ANKS1B: variants seen among roughly 807,000 people sequenced by gnomAD.
ANKS1B encodes ankyrin repeat and sterile alpha motif domain-containing protein 1B.
ANKS1B carries 36 observed loss-of-function variants against 148.3 expected under a neutral mutation model. The ratio of observed to expected loss-of-function variants is 0.24; its 90% CI spans 0.19 to 0.32. The LOEUF (loss-of-function observed/expected upper bound fraction) is 0.32, where lower values mean the gene tolerates loss of function less well. ANKS1B is among the 10% of genes least tolerant of loss of function. The pLI, the probability that ANKS1B is intolerant of heterozygous loss-of-function variation, is 1.00. For missense variants in ANKS1B, 1,157 were observed against 1,542.6 expected, an observed-to-expected ratio of 0.75 and a Z score of 4.19; for synonymous variants, 542 against 560.8, an observed-to-expected ratio of 0.97 and a Z score of 0.47.
At chr12:99,244,464 ATTGTATTT>A in intron 13 of ANKS1B, 50 bp from the exon 14 acceptor site, 1 of 1,239,722 alleles carries the variant, frequency 8.1e-7, no homozygotes, top group Non-Finnish European at 1.1e-6. Context: ...CACTTTTAAC[ATTGTATTT>A]TAAAATAAGT....
intron 8 of ANKS1B, among the ~76,000 whole-genome samples, chr12:99,692,935 G>A (rs2053339217): frequency 6.6e-6 from 1 of 152,170 alleles, no homozygotes; most frequent in Non-Finnish European, 1.5e-5. Context: ...AGAACTAGAA[G>A]TAACAGAGTC....
intron 17 of ANKS1B, among the ~76,000 whole-genome samples, chr12:98,914,911 C>T (rs1036159303): frequency 1.2e-4 from 18 of 152,076 alleles, no homozygotes; most frequent in Non-Finnish European, 2.2e-4. Context: ...ACTTTATTAC[C>T]CTCTAATATC....
Position 99,805,263 on chromosome 12 carries a change from C to CAAAAAAAAAAAAAA in ANKS1B, c.669+1127_669+1140dup. 1.7e-3 allele frequency among the ~76,000 whole-genome samples: 48 copies of CAAAAAAAAAAAAAA among 28,914 alleles called. 12 individuals carry two copies. The highest frequency in any genetic ancestry group is 2.5e-3 in the East Asian group (2 of 802). The allele number at this position is 28,914 out of a possible 152,430, so 19.0% of individuals were successfully genotyped here. A position where few individuals can be genotyped will look rare whatever the true frequency, so the allele number is the denominator to read the frequency against. Reference sequence around the variant, plus strand: ...AAATAACCATGAAAGGAGGAAAAGGCAAAAAAAAAAAAAAAAAAAAAAAAA... The same window carrying CAAAAAAAAAAAAAA: ...AAATAACCATGAAAGGAGGAAAAGGCAAAAAAAAAAAAAAAAAAAAAAAAAAAAAAAAAAAAAAA... On this transcript the variant is annotated intron_variant, in intron 4 of 26. Transcript: ENST00000683438.
At chr12:99,021,679 T>C (rs1195827528) in intron 17 of ANKS1B, among the ~76,000 whole-genome samples, 1 of 152,122 alleles carries the variant, frequency 6.6e-6, no homozygotes, top group Non-Finnish European at 1.5e-5. Context: ...AACCAACCAG[T>C]GTGGACTAGT....
At chr12:99,981,849 T>A (rs752041348) in intron 1 of ANKS1B, among the ~76,000 whole-genome samples, 4 of 152,088 alleles carry the variant, frequency 2.6e-5, no homozygotes, top group Non-Finnish European at 5.9e-5. Context: ...CCAAACATAT[T>A]CTACAGTTCC....
chr12:99,805,455 C>A (rs2067517849), intron 4 of ANKS1B, among the ~76,000 whole-genome samples: 1 of 151,632 alleles, frequency 6.6e-6, no homozygotes, highest in South Asian at 2.1e-4. Flanking sequence ...AAGACCTCAT[C>A]TCTACAAAAA....
At chr12:99,631,519 C>T (rs2098161115) in intron 9 of ANKS1B, among the ~76,000 whole-genome samples, 1 of 152,106 alleles carries the variant, frequency 6.6e-6, no homozygotes, top group African/African-American at 2.4e-5. Context: ...GACCAGAGTG[C>T]TGATAGAAAT....
At chr12:99,241,408 A>G (rs1473567999) in intron 14 of ANKS1B, among the ~76,000 whole-genome samples, 2 of 152,214 alleles carry the variant, frequency 1.3e-5, no homozygotes, top group African/African-American at 4.8e-5. Flanking sequence ...AATAATAAAT[A>G]GCCTACCAAC....
intron 9 of ANKS1B, among the ~76,000 whole-genome samples, chr12:99,534,928 C>A (rs2097049592): frequency 6.6e-6 from 1 of 152,056 alleles, no homozygotes; most frequent in South Asian, 2.1e-4. Context: ...CCAGGATGGT[C>A]TCGATCTCCT....
At chr12:99,741,007 G>A (rs1206839847) in intron 8 of ANKS1B, among the ~76,000 whole-genome samples, 2 of 152,028 alleles carry the variant, frequency 1.3e-5, no homozygotes, top group South Asian at 2.1e-4. Context: ...TCAGGAGATC[G>A]AGACCAATCT....
At chr12:99,939,026 T>C (rs1281877012) in intron 1 of ANKS1B, among the ~76,000 whole-genome samples, 8 of 152,178 alleles carry the variant, frequency 5.3e-5, no homozygotes, top group Non-Finnish European at 7.3e-5. Flanking sequence ...AAACAATAGC[T>C]TATTTGGGGG....
At chr12:99,073,597 T>C (rs1027862621) in intron 16 of ANKS1B, among the ~76,000 whole-genome samples, 3 of 152,134 alleles carry the variant, frequency 2.0e-5, no homozygotes, top group Non-Finnish European at 4.4e-5. Flanking sequence ...TTTTCATATT[T>C]GTCTTTTTCT....
intron 15 of ANKS1B, among the ~76,000 whole-genome samples, chr12:99,150,342 A>C (rs2074489254): frequency 6.6e-6 from 1 of 152,128 alleles, no homozygotes; most frequent in Admixed American, 6.6e-5. Flanking sequence ...TGAAAACTTA[A>C]CTCCTAATTC....
intron 12 of ANKS1B, among the ~76,000 whole-genome samples, chr12:99,277,762 G>A: frequency 6.6e-6 from 1 of 152,152 alleles, no homozygotes; most frequent in Non-Finnish European, 1.5e-5. Flanking sequence ...AGGGAACTCA[G>A]AGAAAAAGGT....
At chr12:99,205,604 T>C (rs1462666678) in intron 14 of ANKS1B, among the ~76,000 whole-genome samples, 6 of 152,130 alleles carry the variant, frequency 3.9e-5, no homozygotes, top group Non-Finnish European at 7.4e-5. Context: ...TCCTTTCAGG[T>C]TGGACTCCGG....
intron 10 of ANKS1B, among the ~76,000 whole-genome samples, chr12:99,466,189 C>T (rs143001379): frequency 0.043 from 6,474 of 152,240 alleles, 470 homozygotes; most frequent in African/African-American, 0.15. Context: ...TGAATGACTA[C>T]TGGGTACATA....
intron 15 of ANKS1B, among the ~76,000 whole-genome samples, chr12:99,100,281 A>G (rs536841658): frequency 6.6e-6 from 1 of 152,290 alleles, no homozygotes; most frequent in South Asian, 2.1e-4. Context: ...TATGAGGGCA[A>G]CAGGAAACAC....
intron 12 of ANKS1B, among the ~76,000 whole-genome samples, chr12:99,376,738 T>C (rs1034604849): frequency 1.3e-5 from 2 of 152,200 alleles, no homozygotes; most frequent in African/African-American, 2.4e-5. Flanking sequence ...AAATACAAGA[T>C]ATTTAACAAA....
chr12:99,019,173 C>T (rs1050499147), intron 17 of ANKS1B, among the ~76,000 whole-genome samples: 1 of 152,114 alleles, frequency 6.6e-6, no homozygotes, highest in African/African-American at 2.4e-5. Context: ...TGTGAGTTTT[C>T]TATTCAACAT....
Sources: allele counts gnomAD v4.1 joint callset (sites outside exome capture counted in the v4.1 genomes callset), GRCh38; gene constraint gnomAD v4.1.1; transcripts MANE v1.5; gene names NCBI Gene and HGNC (gene_info 2026-07-23, HGNC 2026-07-21).